Variants in TBC1D14 observed in about 807,000 individuals in gnomAD.
TBC1D14 encodes TBC1 domain family member 14.
In TBC1D14, 26 loss-of-function variants were observed where a neutral mutation model predicts 79.0. The ratio of observed to expected loss-of-function variants is 0.33; its 90% CI spans 0.24 to 0.46. The LOEUF is 0.46. Among genes scored for constraint, TBC1D14 ranks in the 20% least tolerant of loss-of-function variants. The pLI, the probability that TBC1D14 is intolerant of heterozygous loss-of-function variation, is 1.00. For synonymous variants in TBC1D14, 394 were observed against 349.9 expected (o/e 1.13, Z -1.40); for missense variants, 769 against 887.6 (o/e 0.87, Z 1.70).
chr4:6,921,613 C>T (rs181716871), intron 1 of TBC1D14, among the ~76,000 whole-genome samples: 26 of 152,024 alleles, frequency 1.7e-4, no homozygotes, highest in African/African-American at 5.8e-4. Context: ...GCAACCTCCA[C>T]CTCCTGGGTT....
intron 2 of TBC1D14, among the ~76,000 whole-genome samples, chr4:6,965,391 G>A (rs1715613630): frequency 6.6e-6 from 1 of 152,102 alleles, no homozygotes; most frequent in Admixed American, 6.6e-5. Context: ...TTGACATTTT[G>A]AGAGCTTATA....
At chr4:6,995,754 C>T (rs939393420) in intron 4 of TBC1D14, 3 of 152,326 alleles carry the variant, frequency 2.0e-5, no homozygotes, top group Admixed American at 6.6e-5. Flanking sequence ...CCTCGTGATC[C>T]ACCTGCCTCG....
Position 7,010,718 on chromosome 4 carries a change from T to C in TBC1D14, c.1584T>C (p.Ile528=), listed in dbSNP as rs1163523930. 6.2e-7 allele frequency: 1 copy of C among 1,614,194 alleles called. No homozygotes were observed. Among genetic ancestry groups the C allele is most frequent in the Admixed American group, 1.7e-5 (1 of 60,018 alleles). ...ILNLDTADAF[I]AFSNLLNKPC... The stretch of plus-strand genomic sequence containing the variant: ...ACTTAGATACTGCAGATGCCTTTAT[T>C]GCCTTTTCTAACCTTCTGAATAAAC... The change falls in exon 11 of 14, where the codon ATT becomes ATC. Residue 528 remains isoleucine (I), a synonymous_variant. Coordinates refer to ENST00000409757, the MANE Select transcript of TBC1D14 (RefSeq NM_020773.3).
At chr4:6,946,306 C>T (rs982119392) in intron 2 of TBC1D14, among the ~76,000 whole-genome samples, 1 of 151,910 alleles carries the variant, frequency 6.6e-6, no homozygotes, top group Non-Finnish European at 1.5e-5. Flanking sequence ...TAACAGACTG[C>T]TCTTAGTGTT....
At chr4:7,003,506 G>A (rs1271509453) in intron 7 of TBC1D14, among the ~76,000 whole-genome samples, 1 of 152,228 alleles carries the variant, frequency 6.6e-6, no homozygotes, top group Non-Finnish European at 1.5e-5. Context: ...TACCATAATA[G>A]CGAAACTAGA....
intron 9 of TBC1D14, among the ~76,000 whole-genome samples, chr4:7,008,054 T>TA: frequency 6.6e-6 from 1 of 152,366 alleles, no homozygotes; most frequent in South Asian, 2.1e-4. Context: ...TGTTCATCTG[T>TA]AACAGGGTGA....
At chr4:6,958,836 C>T (rs879751175) in intron 2 of TBC1D14, among the ~76,000 whole-genome samples, 3 of 152,076 alleles carry the variant, frequency 2.0e-5, no homozygotes, top group South Asian at 4.1e-4. Flanking sequence ...TCAAGGTGTC[C>T]GTACCCCTGT....
intron 13 of TBC1D14, among the ~76,000 whole-genome samples, chr4:7,025,537 T>C (rs566660690): frequency 6.6e-6 from 1 of 152,296 alleles, no homozygotes; most frequent in African/African-American, 2.4e-5. Flanking sequence ...ACTTGTATCA[T>C]TATAGTGCTC....
chr4:6,948,435 G>A (rs1363383357), intron 2 of TBC1D14, among the ~76,000 whole-genome samples: 2 of 152,138 alleles, frequency 1.3e-5, no homozygotes, highest in South Asian at 2.1e-4. Flanking sequence ...ATTTATTGTT[G>A]TCTAGTTTTC....
chr4:6,962,872 A>G (rs771844852), intron 2 of TBC1D14, among the ~76,000 whole-genome samples: 1 of 151,952 alleles, frequency 6.6e-6, no homozygotes, highest in Non-Finnish European at 1.5e-5. Context: ...CTGCCTCCTC[A>G]TCGCCCTATA....
intron 12 of TBC1D14, among the ~76,000 whole-genome samples, chr4:7,015,018 A>G (rs898510097): frequency 6.6e-6 from 1 of 152,172 alleles, no homozygotes; most frequent in African/African-American, 2.4e-5. Flanking sequence ...TGACAAGTGC[A>G]TGTGCCATTC....
intron 5 of TBC1D14, among the ~76,000 whole-genome samples, chr4:6,998,487 G>C (rs571816658): frequency 1.3e-5 from 2 of 152,080 alleles, no homozygotes; most frequent in Non-Finnish European, 2.9e-5. Context: ...GTTTTGATCA[G>C]GATGGTAATT....
intron 12 of TBC1D14, among the ~76,000 whole-genome samples, chr4:7,020,085 G>A (rs1256355090): frequency 6.6e-6 from 1 of 150,616 alleles, no homozygotes; most frequent in Admixed American, 6.6e-5. Context: ...CTGGGCTCAG[G>A]TTAGGGAGGA....
Position 6,923,952 on chromosome 4 carries a change from C to T in TBC1D14, c.563C>T (p.Ala188Val). 6.2e-7 allele frequency: 1 copy of T among 1,614,138 alleles called. No individual in the cohort carries two copies. The highest frequency in any genetic ancestry group is 8.5e-7 in the Non-Finnish European group (1 of 1,180,008). Residue 188 changes from alanine to valine, a missense_variant, in exon 2 of 14, where the codon GCC (alanine) becomes GTC (valine). By Grantham distance (64) the Ala-to-Val change is moderately conservative (BLOSUM62 0). Coordinates refer to ENST00000409757, the MANE Select transcript of TBC1D14 (RefSeq NM_020773.3). The stretch of plus-strand genomic sequence containing the variant: ...CTTGTGGTCACGAGCAGCTCCAGTG[C>T]CATTGTGACCCTGGAGAATGACGAT... ...LDLVVTSSSS[A>V]IVTLENDDDP...
chr4:6,953,487 C>A (rs1375377960), intron 2 of TBC1D14, among the ~76,000 whole-genome samples: 1 of 142,450 alleles, frequency 7.0e-6, no homozygotes. Context: ...AAAAATTAGC[C>A]GGGCGAGGTG....
rs577953852 is a variant in TBC1D14, at chr4:6,926,090, G to A, written c.722+1979G>A. ...AGTCAGTTTTCTCACCCCTAGAACC[G>A]TGCGCGGAGGAGCGTGGCCCGTGTG... On this transcript the variant is annotated intron_variant, in intron 2 of 13. Coordinates refer to ENST00000409757, the MANE Select transcript of TBC1D14 (RefSeq NM_020773.3). 1.6e-4 allele frequency among the ~76,000 whole-genome samples: 24 copies of A among 152,326 alleles called. 1 individual carries two copies. In the South Asian group the frequency reaches 1.9e-3, roughly 12 times the overall value.
chr4:6,965,784 T>G (rs1715650041), intron 2 of TBC1D14, among the ~76,000 whole-genome samples: 1 of 152,256 alleles, frequency 6.6e-6, no homozygotes, highest in African/African-American at 2.4e-5. Context: ...CCTAAAGTGC[T>G]GAGATTATAG....
At chr4:6,989,140 C>A (rs556955735) in intron 3 of TBC1D14, among the ~76,000 whole-genome samples, 2 of 152,198 alleles carry the variant, frequency 1.3e-5, no homozygotes, top group African/African-American at 4.8e-5. Context: ...TTTAAACCAA[C>A]AAACGTTAAA....
At chr4:6,962,643 C>G (rs1490499192) in intron 2 of TBC1D14, among the ~76,000 whole-genome samples, 1 of 152,022 alleles carries the variant, frequency 6.6e-6, no homozygotes, top group Non-Finnish European at 1.5e-5. Context: ...GCCCTCACCC[C>G]CTACTGGCCA....
Sources: gnomAD v4.1 joint callset for allele counts (sites outside exome capture counted in the v4.1 genomes callset) on GRCh38, gnomAD v4.1.1 for gene constraint, MANE v1.5 for transcripts, NCBI Gene and HGNC (gene_info 2026-07-23, HGNC 2026-07-21) for gene names.